Variants in ELAVL4 observed in about 807,000 individuals in gnomAD.
ELAVL4 encodes the protein ELAV-like protein 4.
In ELAVL4, 1 loss-of-function variant was observed where a neutral mutation model predicts 35.6. The ratio of observed to expected loss-of-function variants is 0.03; its 90% CI spans 0.01 to 0.13. The LOEUF (loss-of-function observed/expected upper bound fraction) is 0.13. Among genes scored for constraint, ELAVL4 ranks in the 10% least tolerant of loss-of-function variants. The pLI is 1.00. For synonymous variants in ELAVL4, 156 were observed against 171.0 expected (o/e 0.91, Z 0.69); for missense variants, 267 against 464.9 (o/e 0.57, Z 3.91).
intron 1 of ELAVL4, among the ~76,000 whole-genome samples, chr1:50,116,525 G>T (rs1667991267): frequency 2.0e-5 from 3 of 151,828 alleles, no homozygotes; most frequent in African/African-American, 7.3e-5. Context: ...TTCCTAAGCT[G>T]CCAGTCTAAA....
intron 2 of ELAVL4, among the ~76,000 whole-genome samples, chr1:50,165,283 C>T (rs1010116349): frequency 6.6e-6 from 1 of 152,066 alleles, no homozygotes; most frequent in Non-Finnish European, 1.5e-5. Context: ...ATGCCCTTTT[C>T]TCTAACAGAA....
chr1:50,151,193 T>A (rs1446108217), intron 2 of ELAVL4, among the ~76,000 whole-genome samples: 1 of 152,218 alleles, frequency 6.6e-6, no homozygotes, highest in Non-Finnish European at 1.5e-5. Context: ...ATTTATACTT[T>A]ATTTCTGGCA....
At chr1:50,167,857 C>T (rs535571245) in intron 2 of ELAVL4, among the ~76,000 whole-genome samples, 218 of 152,310 alleles carry the variant, frequency 1.4e-3, no homozygotes, top group African/African-American at 5.0e-3. Context: ...AGAGGTCCAT[C>T]CACATACCTC....
intron 1 of ELAVL4, among the ~76,000 whole-genome samples, chr1:50,096,762 C>T (rs551639401): frequency 6.6e-6 from 1 of 152,252 alleles, no homozygotes; most frequent in South Asian, 2.1e-4. Context: ...TGGATTATCT[C>T]ATCTAATCCT....
upstream of ELAVL4, among the ~76,000 whole-genome samples, chr1:50,108,639 A>C (rs1666570890): frequency 6.6e-6 from 1 of 152,118 alleles, no homozygotes; most frequent in Admixed American, 6.6e-5. Flanking sequence ...AGTGACCTGC[A>C]GTTGTTACAG....
intron 1 of ELAVL4, among the ~76,000 whole-genome samples, chr1:50,128,994 C>T (rs1670415671): frequency 1.3e-5 from 2 of 152,094 alleles, no homozygotes; most frequent in African/African-American, 2.4e-5. Context: ...GAAGACACCA[C>T]CTATCTCTCA....
rs138504754 is a variant in ELAVL4 at position 50,091,774 on chromosome 1, T to G, written c.18+43592T>G. On this transcript the variant is annotated intron_variant, in intron 1 of 6. Transcript: ENST00000448907. ...AACATTTTCTTCTAAGCACTTTCAC[T>G]TCTATCATCTCATGTTAAAATCCCC... Among the ~76,000 whole-genome samples the G allele has an allele frequency of 2.1e-3, 315 of 152,350 alleles. 5 individuals are homozygous for G. The highest frequency in any genetic ancestry group is 7.3e-3 in the African/African-American group (304 of 41,580).
At chr1:50,078,996 T>C (rs1664885930) in intron 1 of ELAVL4, among the ~76,000 whole-genome samples, 1 of 152,254 alleles carries the variant, frequency 6.6e-6, no homozygotes, top group Non-Finnish European at 1.5e-5. Flanking sequence ...CTGCTGGATC[T>C]GAGTTCTAGT....
intron 1 of ELAVL4, among the ~76,000 whole-genome samples, chr1:50,081,970 G>A (rs557341700): frequency 7.1e-4 from 108 of 151,922 alleles, no homozygotes; most frequent in African/African-American, 2.5e-3. Flanking sequence ...GAGACTGATG[G>A]CTTCCAGCTT....
At chr1:50,115,630 G>A (rs942840817) in intron 1 of ELAVL4, among the ~76,000 whole-genome samples, 5 of 152,088 alleles carry the variant, frequency 3.3e-5, no homozygotes, top group East Asian at 1.9e-4. Context: ...ATGACCCAGC[G>A]AAGATGGTGA....
chr1:50,149,991 A>T (rs1557785779), intron 2 of ELAVL4, among the ~76,000 whole-genome samples: 1 of 152,210 alleles, frequency 6.6e-6, no homozygotes, highest in East Asian at 1.9e-4. Context: ...TGTTAGCTGG[A>T]GCTGTTGGGG....
At chr1:50,154,345 A>G (rs1467007208) in intron 2 of ELAVL4, among the ~76,000 whole-genome samples, 1 of 152,038 alleles carries the variant, frequency 6.6e-6, no homozygotes, top group Non-Finnish European at 1.5e-5. Flanking sequence ...TTATCTCTCT[A>G]AGGTGATGTA....
At chr1:50,189,185 C>T (rs1186193896) in intron 3 of ELAVL4, among the ~76,000 whole-genome samples, 4 of 152,224 alleles carry the variant, frequency 2.6e-5, no homozygotes, top group East Asian at 1.9e-4. Flanking sequence ...CATGTCCTCT[C>T]CCTTTTCTGT....
intron 4 of ELAVL4, among the ~76,000 whole-genome samples, chr1:50,194,867 A>G (rs1557864767): frequency 6.6e-6 from 1 of 152,120 alleles, no homozygotes; most frequent in African/African-American, 2.4e-5. Context: ...GTGTAAGTGG[A>G]GAGGAGAGCA....
chr1:50,060,181 T>C (rs750473036), intron 1 of ELAVL4, among the ~76,000 whole-genome samples: 45 of 152,226 alleles, frequency 3.0e-4, no homozygotes, highest in African/African-American at 1.1e-3. Flanking sequence ...AGTTTACCTG[T>C]CATATACTGT....
chr1:50,175,218 T>C (rs773664982), intron 2 of ELAVL4, among the ~76,000 whole-genome samples: 1 of 152,170 alleles, frequency 6.6e-6, no homozygotes, highest in Admixed American at 6.5e-5. Flanking sequence ...AAAATGTATT[T>C]AATTAGGTGA....
Position 50,111,845 on chromosome 1 carries a change from T to G in ELAVL4, c.9+2647T>G, listed in dbSNP as rs115144064. Reference sequence around the variant, plus strand: ...CTTTTTCTCATGATGGTGGGTACCATAAGGATTGAAAGGTGTAGTATTTGG... The same window carrying G: ...CTTTTTCTCATGATGGTGGGTACCAGAAGGATTGAAAGGTGTAGTATTTGG... On this transcript the variant is annotated intron_variant, in intron 1 of 6. Coordinates refer to ENST00000371824, the MANE Select transcript of ELAVL4 (RefSeq NM_001144774.3). Among the ~76,000 whole-genome samples, 1,028 of 152,212 alleles carry G rather than the reference T, an allele frequency of 6.8e-3. 11 individuals carry two copies. The highest frequency in any genetic ancestry group is 0.024 in the African/African-American group (988 of 41,548).
upstream of ELAVL4, among the ~76,000 whole-genome samples, chr1:50,108,012 G>A (rs898591238): frequency 2.0e-5 from 3 of 152,168 alleles, no homozygotes; most frequent in Non-Finnish European, 2.9e-5. Flanking sequence ...TGAACACTCT[G>A]CACAGGTTTT....
chr1:50,187,064 C>G lies in ELAVL4; in HGVS notation c.355-6701C>G, dbSNP rs550241560. Among the ~76,000 whole-genome samples the G allele has an allele frequency of 2.0e-5, 3 of 152,314 alleles. No homozygotes were observed. The East Asian group carries it at 5.8e-4, about 29-fold the overall frequency. On this transcript the variant is annotated intron_variant, in intron 3 of 6. Coordinates refer to ENST00000371824, the MANE Select transcript of ELAVL4 (RefSeq NM_001144774.3). ...TGAGAGGATTTGTTCCTAGAAGGCC[C>G]TGGCAGCATCAGAATCTGTTCCCTG...
Sources: gnomAD v4.1 joint callset for allele counts (sites outside exome capture counted in the v4.1 genomes callset) on GRCh38, gnomAD v4.1.1 for gene constraint, MANE v1.5 for transcripts, NCBI Gene and HGNC (gene_info 2026-07-23, HGNC 2026-07-21) for gene names.